The following CROCC variants were observed in gnomAD, a reference collection of about 807,000 sequenced individuals.
CROCC encodes the protein ciliary rootlet coiled-coil, rootletin.
A neutral mutation model predicts 245.2 loss-of-function variants in CROCC; 180 were observed. The ratio of observed to expected loss-of-function variants is 0.73; its 90% CI spans 0.65 to 0.83. The LOEUF (loss-of-function observed/expected upper bound fraction) is 0.83. CROCC is among the 40% of genes least tolerant of loss of function. The pLI, the probability that CROCC is intolerant of heterozygous loss-of-function variation, is 0.00. For synonymous variants in CROCC, 1,205 were observed against 1,241.6 expected (o/e 0.97, Z 0.62); for missense variants, 2,688 against 2,779.4 (o/e 0.97, Z 0.74).
chr1:16,916,201 G>A (rs1268431603), intron 1 of CROCC, among the ~76,000 whole-genome samples: 9 of 110,386 alleles, frequency 8.2e-5, no homozygotes, highest in African/African-American at 2.9e-4. Context: ...AAGGCCATGA[G>A]AGAAGGGGAG....
At chr1:16,961,559 G>A (rs1432660878) in intron 27 of CROCC, among the ~76,000 whole-genome samples, 1 of 151,918 alleles carries the variant, frequency 6.6e-6, no homozygotes, top group African/African-American at 2.4e-5. Flanking sequence ...CATGAGCCAC[G>A]GCACCCGGTC....
rs1177720491 is a variant in CROCC, at chr1:16,940,029, C to T, written c.1744C>T (p.Gln582Ter). The change falls in exon 13 of 37, where the codon CAG becomes TAG. Residue 582 changes from glutamine to a stop codon, truncating the protein, a stop_gained. Coordinates refer to ENST00000375541, the MANE Select transcript of CROCC (RefSeq NM_014675.5). LOFTEE classifies it high-confidence loss of function. ...RLRDKTDGAM[Q>*]AHEDAQREVQ... ...GCGGGACAAGACCGACGGCGCCATG[C>T]AGGCCCACGAGGACGCCCAGCGCGA... 1 of 1,611,140 alleles carries T rather than the reference C, an allele frequency of 6.2e-7. No individual in the cohort carries two copies. Among genetic ancestry groups the T allele is most frequent in the Non-Finnish European group, 8.5e-7 (1 of 1,179,436 alleles).
intron 20 of CROCC, among the ~76,000 whole-genome samples, chr1:16,951,701 T>A (rs2076162048): frequency 6.6e-6 from 1 of 152,230 alleles, no homozygotes; most frequent in Non-Finnish European, 1.5e-5. Context: ...TTGCTGGCAC[T>A]GACATGCTCT....
intron 3 of CROCC, among the ~76,000 whole-genome samples, chr1:16,929,142 T>C (rs1302487797): frequency 1.3e-5 from 2 of 152,282 alleles, no homozygotes; most frequent in East Asian, 3.9e-4. Context: ...GGGGCATTAA[T>C]ATGCAGGCGC....
At chr1:16,931,493 T>C in intron 8 of CROCC, 96 bp downstream of exon 8, 6 of 1,206,240 alleles carry the variant, frequency 5.0e-6, no homozygotes, top group South Asian at 1.3e-5. Context: ...CTCAACGCAC[T>C]TACTGTGCAC....
intron 26 of CROCC, among the ~76,000 whole-genome samples, chr1:16,959,901 C>T (rs572548713): frequency 6.6e-5 from 10 of 151,958 alleles, no homozygotes; most frequent in African/African-American, 2.2e-4. Flanking sequence ...TCCCCCACCC[C>T]CCAGGGCTGT....
intron 4 of CROCC, 42 bp from the exon 5 acceptor site, chr1:16,930,082 C>T (rs530869723): frequency 6.0e-5 from 94 of 1,572,336 alleles, no homozygotes; most frequent in East Asian, 3.2e-4. Flanking sequence ...CACTTTGCCC[C>T]GCCCCAACCC....
chr1:16,960,407 C>T (rs574759056), intron 26 of CROCC, among the ~76,000 whole-genome samples: 127 of 152,312 alleles, frequency 8.3e-4, no homozygotes, highest in African/African-American at 3.0e-3. Context: ...CCTGTTTCAT[C>T]TTCTGTAAAG....
Position 16,972,751 on chromosome 1 carries a change from G to A in CROCC, c.*305G>A, listed in dbSNP as rs1166457324. ...GCCCTTGTCTCTGGTCAGCCCTGGA[G>A]CATGGGATCGTGGGAAAGAGGAGGG... is the stretch of plus-strand genomic sequence containing the variant. On this transcript the variant is annotated 3_prime_UTR_variant, in exon 37 of 37. Transcript: ENST00000375541. 2 of 213,248 alleles carry A rather than the reference G, an allele frequency of 9.4e-6. No individual in the cohort carries two copies. Among genetic ancestry groups the A allele is most frequent in the Non-Finnish European group, 1.8e-5 (2 of 108,486 alleles). 13.2% of individuals were successfully genotyped at this position (213,248 alleles called of 1,614,324 possible).
chr1:16,941,933 C>T (rs1476204333), intron 13 of CROCC, among the ~76,000 whole-genome samples: 7 of 152,192 alleles, frequency 4.6e-5, no homozygotes, highest in Admixed American at 3.9e-4. Context: ...AACTCCTGGC[C>T]TCAAGTGATT....
chr1:16,944,893 T>C (rs1422423186), intron 14 of CROCC, among the ~76,000 whole-genome samples: 1 of 152,270 alleles, frequency 6.6e-6, no homozygotes, highest in Non-Finnish European at 1.5e-5. Flanking sequence ...CTGAAGGTCC[T>C]TGGGGAGATG....
intron 20 of CROCC, 159 bp from the exon 21 acceptor site, chr1:16,953,143 G>C (rs531829546): frequency 2.9e-6 from 2 of 679,922 alleles, no homozygotes; most frequent in African/African-American, 1.8e-5. Flanking sequence ...CGGCCCTGGC[G>C]TGTCCCCGTC....
chr1:16,955,202 A>C, intron 23 of CROCC, 110 bp from the exon 24 acceptor site: 2 of 993,534 alleles, frequency 2.0e-6, no homozygotes, highest in Non-Finnish European at 1.5e-6. Context: ...CGGTCTGAGC[A>C]CTGCAGAGGG....
rs762652566 is a variant in CROCC at position 16,970,326 on chromosome 1, T to G, written c.5525T>G (p.Leu1842Arg). Residue 1842 changes from leucine to arginine, a missense_variant, in exon 34 of 37, where the codon CTG becomes CGG. Transcript: ENST00000375541. ...CAGAAGCTGCAAGACGAGCGGCGGC[T>G]GCTGCAGGAGCGCCTGGGAAGCCTG... ...TVQKLQDERRLLQERLGSLQR... is the reference protein window; with the variant it reads ...TVQKLQDERRRLQERLGSLQR... The G allele has an allele frequency of 5.7e-6, 9 of 1,586,774 alleles. No homozygotes were observed. In the South Asian group the frequency reaches 1.0e-4, roughly 18 times the overall value.
rs115823338 is a variant in CROCC, at chr1:16,966,480, G to A, written c.4769G>A (p.Arg1590His). The A allele has an allele frequency of 9.8e-3, 15,088 of 1,535,274 alleles. 104 individuals are homozygous for A. The highest frequency in any genetic ancestry group is 0.012 in the Non-Finnish European group (13,458 of 1,145,496). ...GCGCTGCAGGAGGAGAGTGTGCGGC[G>A]CAGTGAGCGGGAGCGCCGGGCCACG... The part of the protein sequence containing the change: ...ELALQEESVR[R>H]SERERRATLD... Residue 1590 changes from arginine (R) to histidine (H), a missense_variant, in exon 30 of 37, where the codon CGC becomes CAC. By Grantham distance (29) the Arg-to-His change is conservative. This residue lies in a region of CROCC where 1,218 missense variants were observed against 1,286.3 expected (regional missense o/e 0.95). Coordinates refer to ENST00000375541, the MANE Select transcript of CROCC (RefSeq NM_014675.5). The surrounding 1 kb of genome is among the most constrained non-coding windows in gnomAD (Gnocchi z 4.8).
chr1:16,936,889 A>G lies in CROCC; in HGVS notation c.1193+16A>G, dbSNP rs939520046. On this transcript the variant is annotated intron_variant, in intron 9 of 36. Coordinates refer to ENST00000375541, the MANE Select transcript of CROCC (RefSeq NM_014675.5). Reference sequence around the variant, plus strand: ...TCAGTGCCAGGTGGGTACCTGGTGGATGCCGCACGAGGCAGGCGTCCCTGC... The same window carrying G: ...TCAGTGCCAGGTGGGTACCTGGTGGGTGCCGCACGAGGCAGGCGTCCCTGC... 1.4e-5 allele frequency: 22 copies of G among 1,594,122 alleles called. No homozygotes were observed. Among genetic ancestry groups the G allele is most frequent in the African/African-American group, 6.7e-5 (5 of 74,680 alleles).
chr1:16,928,702 C>G (rs79154117), intron 3 of CROCC, among the ~76,000 whole-genome samples: 9,330 of 149,120 alleles, frequency 0.063, no homozygotes, highest in African/African-American at 0.067. Flanking sequence ...ACTTGGGAGA[C>G]TGAGGCAGGA....
In CROCC at chr1:16,970,696, C is replaced by T. The variant is rs200635775; in HGVS notation, c.5713C>T (p.Arg1905Cys). The T allele has an allele frequency of 4.7e-5, 75 of 1,603,446 alleles. No homozygotes were observed. Among genetic ancestry groups the T allele is most frequent in the East Asian group, 8.9e-5 (4 of 44,758 alleles). The change falls in exon 35 of 37, where the codon CGC becomes TGC. Residue 1905 changes from arginine (R) to cysteine (C), a missense_variant. Transcript: ENST00000375541. ...DTVRLSAEKGRLDRTLTGAEL... is the reference protein window; with the variant it reads ...DTVRLSAEKGCLDRTLTGAEL... ...AGTGCGGCTGAGCGCAGAGAAGGGC[C>T]GCCTGGACCGCACCCTCACGGGGGC... is the stretch of plus-strand genomic sequence containing the variant.
chr1:16,966,663 G>A lies in CROCC; in HGVS notation c.4860+92G>A. On this transcript the variant is annotated intron_variant, in intron 30 of 36. Transcript: ENST00000375541. The surrounding 1 kb of genome is among the most constrained non-coding windows in gnomAD (Gnocchi z 4.8). ...TATGTGTGTCTCCCTGTGTCTGTCT[G>A]CCTGAGTCTCTCTGCAACCCACTGA... 2.2e-6 allele frequency: 3 copies of A among 1,376,856 alleles called. No homozygotes were observed. The highest frequency in any genetic ancestry group is 1.9e-6 in the Non-Finnish European group (2 of 1,053,342). The allele number at this position is 1,376,856 out of a possible 1,614,324, so 85.3% of individuals were successfully genotyped here.
Sources: allele counts gnomAD v4.1 joint callset (sites outside exome capture counted in the v4.1 genomes callset), GRCh38; gene constraint gnomAD v4.1.1; regional missense constraint gnomAD v4.1.1; non-coding constraint Gnocchi (gnomAD v3.1); transcripts MANE v1.5; gene names NCBI Gene and HGNC (gene_info 2026-07-23, HGNC 2026-07-21).